The following GMDS variants were observed in gnomAD, a reference collection of about 807,000 sequenced individuals.
GMDS encodes GDP-mannose 4,6-dehydratase.
Under a neutral mutation model 49.9 loss-of-function variants are expected in GMDS, and 20 were observed. That is an observed-to-expected ratio of 0.40 (90% confidence interval 0.28 to 0.58). GMDS has a LOEUF of 0.58. Ranked by LOEUF, GMDS falls within the 20% of genes least tolerant of loss-of-function variation. The pLI is 0.42. For synonymous variants in GMDS, 177 were observed against 178.6 expected (o/e 0.99, Z 0.07); for missense variants, 362 against 481.4 (o/e 0.75, Z 2.32).
At chr6:1,654,807 A>G (rs1763818774) in intron 9 of GMDS, among the ~76,000 whole-genome samples, 1 of 152,208 alleles carries the variant, frequency 6.6e-6, no homozygotes, top group Admixed American at 6.5e-5. Context: ...ACAAGCCTGT[A>G]ATTCCAGCAC....
At chr6:1,651,706 G>A (rs974925343) in intron 9 of GMDS, among the ~76,000 whole-genome samples, 5 of 152,166 alleles carry the variant, frequency 3.3e-5, no homozygotes, top group African/African-American at 1.2e-4. Context: ...CATCTTTGAG[G>A]TGATCTCCGT....
intron 1 of GMDS, among the ~76,000 whole-genome samples, chr6:2,148,660 T>C (rs1245764257): frequency 6.6e-6 from 1 of 152,176 alleles, no homozygotes; most frequent in Non-Finnish European, 1.5e-5. Context: ...CCTCAGGTGA[T>C]CCGCCCGCCT....
intron 9 of GMDS, among the ~76,000 whole-genome samples, chr6:1,669,917 CAAAAA>C (rs66490758): frequency 2.2e-5 from 1 of 45,222 alleles, no homozygotes; most frequent in Non-Finnish European, 3.6e-5. Context: ...GACTCCATCT[CAAAAA>C]AAAAAAAAAA....
rs1313204828 is a variant in GMDS at position 2,184,319 on chromosome 6, A to G, written c.103-59588T>C. On this transcript the variant is annotated intron_variant, in intron 1 of 10. Coordinates refer to ENST00000380815, the MANE Select transcript of GMDS (RefSeq NM_001500.4). ...CGTGAGACACCACTTCCACTCAACA[A>G]CTGGCACTAAGAATAAAACTAAAAC... 2.0e-5 allele frequency among the ~76,000 whole-genome samples: 3 copies of G among 152,276 alleles called. No individual in the cohort carries two copies. In the East Asian group the frequency reaches 5.8e-4, roughly 29 times the overall value.
chr6:1,921,241 C>T (rs1761701194), intron 7 of GMDS, among the ~76,000 whole-genome samples: 2 of 152,162 alleles, frequency 1.3e-5, no homozygotes, highest in South Asian at 2.1e-4. Flanking sequence ...GACATATGCT[C>T]AATTTTATGT....
chr6:1,702,931 G>A (rs1207062482), intron 9 of GMDS, among the ~76,000 whole-genome samples: 2 of 152,154 alleles, frequency 1.3e-5, no homozygotes, highest in Non-Finnish European at 2.9e-5. Flanking sequence ...TATGACTGCT[G>A]GGGTTTGTAT....
intron 4 of GMDS, among the ~76,000 whole-genome samples, chr6:2,004,520 G>A (rs1323221952): frequency 1.3e-5 from 2 of 152,098 alleles, no homozygotes; most frequent in African/African-American, 4.8e-5. Flanking sequence ...CCTTCCAGAT[G>A]ATACCAGATA....
chr6:2,244,356 C>G (rs1439684927), intron 1 of GMDS, among the ~76,000 whole-genome samples: 2 of 152,148 alleles, frequency 1.3e-5, no homozygotes, highest in Admixed American at 1.3e-4. Flanking sequence ...AGGCAAGCGA[C>G]TGGAACATGA....
At chr6:1,624,586 T>TGGGGGGGGGGGGG in intron 9 of GMDS, 46 bp from the exon 10 acceptor site, 1 of 1,334,970 alleles carries the variant, frequency 7.5e-7, no homozygotes, top group Non-Finnish European at 1.1e-6. Flanking sequence ...GTCGTGGGGG[T>TGGGGGGGGGGGGG]GGGGGCAGCA....
chr6:1,974,860 G>A (rs890961891), intron 4 of GMDS, among the ~76,000 whole-genome samples: 8 of 143,224 alleles, frequency 5.6e-5, no homozygotes, highest in African/African-American at 2.2e-4. Flanking sequence ...GTGAAATCCC[G>A]TCTCTATTAA....
intron 1 of GMDS, among the ~76,000 whole-genome samples, chr6:2,129,983 T>C (rs1345337440): frequency 6.6e-6 from 1 of 152,170 alleles, no homozygotes; most frequent in Non-Finnish European, 1.5e-5. Context: ...AGCAGGTAAA[T>C]GTTTATTGTA....
At chr6:1,875,980 T>C (rs984093624) in intron 7 of GMDS, among the ~76,000 whole-genome samples, 44 of 148,714 alleles carry the variant, frequency 3.0e-4, no homozygotes, top group Non-Finnish European at 5.9e-5. Context: ...ATCGTGCCAT[T>C]GCACTCCAGC....
chr6:2,043,208 G>A (rs1769790990), intron 4 of GMDS: 1 of 152,244 alleles, frequency 6.6e-6, no homozygotes, highest in Non-Finnish European at 1.5e-5. Context: ...GGCTTCACAA[G>A]TCAGACCTCT....
In GMDS at chr6:2,117,533, G is replaced by A; in HGVS notation, c.171C>T (p.Ser57=). ...GYEVHGIVRR[S]SSFNTGRIEH... is the part of the protein sequence containing the mutation. ...CAATTCGACCCGTATTAAATGAACT[G>A]GACCGCCGTACAATTCCATGGACCT... is the stretch of plus-strand genomic sequence containing the variant. Residue 57 remains serine, a synonymous_variant, in exon 3 of 11, where the codon TCC becomes TCT. Transcript: ENST00000380815. 6.2e-7 allele frequency: 1 copy of A among 1,606,764 alleles called. No homozygotes were observed. The highest frequency in any genetic ancestry group is 8.5e-7 in the Non-Finnish European group (1 of 1,173,320).
chr6:1,903,447 C>T (rs1037334862), intron 7 of GMDS, among the ~76,000 whole-genome samples: 1 of 152,204 alleles, frequency 6.6e-6, no homozygotes, highest in African/African-American at 2.4e-5. Flanking sequence ...AAGTCCTAAT[C>T]CAAAAGCTAT....
At chr6:1,732,321 G>A (rs988614442) in intron 8 of GMDS, among the ~76,000 whole-genome samples, 8 of 152,190 alleles carry the variant, frequency 5.3e-5, no homozygotes, top group Admixed American at 2.0e-4. Context: ...GCGAGGCTCC[G>A]TCTCAACAAA....
intron 9 of GMDS, 195 bp from the exon 10 acceptor site, chr6:1,624,735 G>A (rs532909542): frequency 9.1e-5 from 51 of 557,784 alleles, no homozygotes; most frequent in Non-Finnish European, 1.6e-4. Context: ...GGTTAAGAAT[G>A]TGCTGTGCGG....
intron 4 of GMDS, among the ~76,000 whole-genome samples, chr6:2,042,628 G>C (rs1769756205): frequency 6.6e-6 from 1 of 152,076 alleles, no homozygotes; most frequent in Non-Finnish European, 1.5e-5. Flanking sequence ...TTTTTAAGTT[G>C]TGGCTTAGTA....
chr6:1,673,834 A>G (rs187821315), intron 9 of GMDS, among the ~76,000 whole-genome samples: 1 of 151,994 alleles, frequency 6.6e-6, no homozygotes, highest in Non-Finnish European at 1.5e-5. Context: ...AGCGACATAC[A>G]TTTAAGGTTC....
Sources: allele counts gnomAD v4.1 joint callset (sites outside exome capture counted in the v4.1 genomes callset), GRCh38; gene constraint gnomAD v4.1.1; transcripts MANE v1.5; gene names NCBI Gene and HGNC (gene_info 2026-07-23, HGNC 2026-07-21).